CHIC1: variants seen among roughly 807,000 people sequenced by gnomAD.
CHIC1 encodes the protein cysteine rich hydrophobic domain 1.
CHIC1 carries 7 observed loss-of-function variants against 18.5 expected under a neutral mutation model. The observed-to-expected ratio is 0.38, with a 90% CI of 0.22 to 0.71. The LOEUF (loss-of-function observed/expected upper bound fraction) is 0.71, where lower values mean the gene tolerates loss of function less well. Ranked by LOEUF, CHIC1 falls within the 30% of genes least tolerant of loss-of-function variation. CHIC1 has a pLI of 0.49. For missense variants in CHIC1, 159 were observed against 176.9 expected (o/e 0.90, Z 0.57); for synonymous variants, 77 against 73.5 (o/e 1.05, Z -0.25).
At position 73,682,460 on chromosome X, in the gene CHIC1, T is replaced by C. The variant is rs2072751091; in HGVS notation, c.*1455T>C. The C allele has an allele frequency of 9.0e-6, 1 of 111,495 alleles. No homozygotes were observed. Among genetic ancestry groups the C allele is most frequent in the Admixed American group, 9.6e-5 (1 of 10,463 alleles). 9.2% of individuals were successfully genotyped at this position (111,495 alleles called of 1,213,427 possible). A position where few individuals can be genotyped will look rare whatever the true frequency, so the allele number is the denominator to read the frequency against. The stretch of plus-strand genomic sequence containing the variant: ...TCTAGGGCTCAGTAATATTTTGTCA[T>C]CTTACTCTTACTGCTTTTAGTAAAC... On this transcript the variant is annotated 3_prime_UTR_variant, in exon 6 of 6. Coordinates refer to ENST00000373502, the MANE Select transcript of CHIC1 (RefSeq NM_001039840.4).
rs869309622 is a variant in CHIC1, at chrX:73,658,248, G to GTTTTTTTTTT, written c.508-21056_508-21047dup. 4.1e-3 allele frequency among the ~76,000 whole-genome samples: 69 copies of GTTTTTTTTTT among 16,714 alleles called. 9 individuals carry two copies. Among genetic ancestry groups the GTTTTTTTTTT allele is most frequent in the Non-Finnish European group, 5.1e-3 (52 of 10,257 alleles). 14.5% of individuals were successfully genotyped at this position (16,714 alleles called of 115,157 possible). On this transcript the variant is annotated intron_variant, in intron 3 of 5. Coordinates refer to ENST00000373502, the MANE Select transcript of CHIC1 (RefSeq NM_001039840.4). ...ATTCAGCTGTGAATCCTGGTCCTAG[G>GTTTTTTTTTT]TTTTTTTTTTTTTTTTTTTTTTTTT...
At chrX:73,630,569 T>G (rs2057802381) in intron 3 of CHIC1, among the ~76,000 whole-genome samples, 1 of 111,865 alleles carries the variant, frequency 8.9e-6, no homozygotes, top group Non-Finnish European at 1.9e-5. Context: ...GACCCATCCT[T>G]GCATTCCAGA....
At chrX:73,671,891 G>T (rs1427091836) in intron 3 of CHIC1, among the ~76,000 whole-genome samples, 2 of 109,640 alleles carry the variant, frequency 1.8e-5, no homozygotes, top group Non-Finnish European at 3.8e-5. Flanking sequence ...TTTACCTTTA[G>T]GTATATCTCC....
intron 3 of CHIC1, among the ~76,000 whole-genome samples, chrX:73,637,143 A>T (rs774838207): frequency 9.7e-4 from 108 of 111,328 alleles, no homozygotes; most frequent in Non-Finnish European, 1.6e-3. Context: ...GTTTTGCTGC[A>T]TATGGAATTC....
chrX:73,635,516 T>G (rs565542404), intron 3 of CHIC1, among the ~76,000 whole-genome samples: 2 of 111,674 alleles, frequency 1.8e-5, no homozygotes, highest in South Asian at 7.6e-4. Context: ...GGGGAGGTTT[T>G]TTTTCTGATT....
At chrX:73,585,491 T>C (rs2057548330) in intron 3 of CHIC1, among the ~76,000 whole-genome samples, 1 of 111,032 alleles carries the variant, frequency 9.0e-6, no homozygotes, top group East Asian at 2.8e-4. Context: ...CTATTGTTTG[T>C]CAGAGCAGGT....
chrX:73,584,138 G>T (rs748741482), intron 2 of CHIC1, among the ~76,000 whole-genome samples: 3 of 110,901 alleles, frequency 2.7e-5, no homozygotes, highest in Non-Finnish European at 5.7e-5. Flanking sequence ...TAAGAAAAAG[G>T]CTTGAAAGTT....
At chrX:73,641,101 T>C (rs894129708) in intron 3 of CHIC1, among the ~76,000 whole-genome samples, 4 of 112,035 alleles carry the variant, frequency 3.6e-5, no homozygotes, top group Non-Finnish European at 5.6e-5. Context: ...ATTTTTCACC[T>C]AGAAGTCATT....
At chrX:73,586,093 T>A (rs2057551824) in intron 3 of CHIC1, among the ~76,000 whole-genome samples, 1 of 111,796 alleles carries the variant, frequency 8.9e-6, no homozygotes, top group African/African-American at 3.2e-5. Context: ...TTAAACATTG[T>A]AATATTTAAA....
intron 3 of CHIC1, among the ~76,000 whole-genome samples, chrX:73,639,439 T>G (rs200588559): frequency 1.8e-5 from 2 of 112,171 alleles, no homozygotes; most frequent in East Asian, 5.6e-4. Context: ...ATGCATAGTT[T>G]GCAAATTAGT....
chrX:73,563,408 G>A lies in CHIC1; in HGVS notation c.124G>A (p.Asp42Asn), dbSNP rs1237991719. The change falls in exon 1 of 6, where the codon GAC (aspartate) becomes AAC (asparagine). Residue 42 changes from aspartate to asparagine, a missense_variant. By Grantham distance (23) the Asp-to-Asn change is conservative. Coordinates refer to ENST00000373502, the MANE Select transcript of CHIC1 (RefSeq NM_001039840.4). ...PSSSSSVSGP[D>N]DDEEDEEEEE... Reference sequence around the variant, plus strand: ...GTCGTCGTCGTCGGTATCTGGGCCCGACGATGACGAGGAGGATGAGGAGGA... The same window carrying A: ...GTCGTCGTCGTCGGTATCTGGGCCCAACGATGACGAGGAGGATGAGGAGGA... 4.3e-6 allele frequency: 5 copies of A among 1,155,618 alleles called. No homozygotes were observed. The highest frequency in any genetic ancestry group is 3.5e-6 in the Non-Finnish European group (3 of 867,708).
intron 3 of CHIC1, among the ~76,000 whole-genome samples, chrX:73,637,444 C>T (rs2057836546): frequency 2.7e-5 from 3 of 110,644 alleles, no homozygotes; most frequent in Admixed American, 9.7e-5. Context: ...GCCATAATTT[C>T]TTCAAAGTTT....
chrX:73,661,053 A>G (rs2057977622), intron 3 of CHIC1, among the ~76,000 whole-genome samples: 2 of 111,296 alleles, frequency 1.8e-5, no homozygotes, highest in African/African-American at 3.3e-5. Context: ...ACGTTCTACT[A>G]TGGCCTGTCC....
intron 3 of CHIC1, among the ~76,000 whole-genome samples, chrX:73,613,185 A>G (rs1486193893): frequency 1.8e-5 from 2 of 111,687 alleles, no homozygotes; most frequent in Admixed American, 9.5e-5. Flanking sequence ...TTCAGTCCAC[A>G]TATGTCTTTA....
chrX:73,667,635 G>A (rs1400829293), intron 3 of CHIC1, among the ~76,000 whole-genome samples: 4 of 111,305 alleles, frequency 3.6e-5, no homozygotes, highest in African/African-American at 1.3e-4. Flanking sequence ...ACATGAATTT[G>A]GGGGTTGGAA....
chrX:73,650,992 G>A (rs60546903), intron 3 of CHIC1, among the ~76,000 whole-genome samples: 5,338 of 111,400 alleles, frequency 0.048, 322 homozygotes, highest in African/African-American at 0.16. Context: ...TATCCACCAC[G>A]ATCAAGGCAG....
At chrX:73,642,346 G>A (rs1398608908) in intron 3 of CHIC1, among the ~76,000 whole-genome samples, 20 of 111,404 alleles carry the variant, frequency 1.8e-4, no homozygotes, top group African/African-American at 2.9e-4. Flanking sequence ...CATGTCCTTC[G>A]CCCACCTTTT....
At chrX:73,649,754 C>A (rs2057906657) in intron 3 of CHIC1, among the ~76,000 whole-genome samples, 1 of 111,636 alleles carries the variant, frequency 9.0e-6, no homozygotes, top group Non-Finnish European at 1.9e-5. Context: ...GACTTTAACA[C>A]CCCACTATCA....
intron 3 of CHIC1, among the ~76,000 whole-genome samples, chrX:73,647,180 G>A (rs2057893555): frequency 8.9e-6 from 1 of 112,098 alleles, no homozygotes; most frequent in South Asian, 3.8e-4. Context: ...TGCAACCCAC[G>A]TATTGGAAGA....
Sources: gnomAD v4.1 joint callset for allele counts (sites outside exome capture counted in the v4.1 genomes callset) on GRCh38, gnomAD v4.1.1 for gene constraint, MANE v1.5 for transcripts, NCBI Gene and HGNC (gene_info 2026-07-23, HGNC 2026-07-21) for gene names.